NRTN: variants seen among roughly 807,000 people sequenced by gnomAD.
The protein encoded by NRTN is prepro-neurturin.
In NRTN, 3 loss-of-function variants were observed where a neutral mutation model predicts 7.5. That is an observed-to-expected ratio of 0.40 (90% CI 0.18 to 1.03). The LOEUF (loss-of-function observed/expected upper bound fraction) is 1.03. NRTN is among the 50% of genes least tolerant of loss of function. The probability of loss-of-function intolerance (pLI) is 0.34; values close to 1 mark genes in which losing one functional copy is unlikely to be tolerated. For synonymous variants in NRTN, 157 were observed against 146.6 expected (o/e 1.07, Z -0.51); for missense variants, 310 against 307.0 (o/e 1.01, Z -0.07).
chr19:5,828,219 C>T lies in NRTN; in HGVS notation c.*46C>T. The T allele has an allele frequency of 1.3e-6, 2 of 1,524,188 alleles. No individual in the cohort carries two copies. The highest frequency in any genetic ancestry group is 1.4e-5 in the African/African-American group (1 of 72,352). The allele number at this position is 1,524,188 out of a possible 1,614,324, so 94.4% of individuals were successfully genotyped here. The stretch of plus-strand genomic sequence containing the variant: ...GCGGCGGCCACTCCCCCCGCCTCGA[C>T]GGCACCACTGGCCGGCCCCGCGAAA... On this transcript the variant is annotated 3_prime_UTR_variant, in exon 3 of 3. Coordinates refer to ENST00000303212, the MANE Select transcript of NRTN (RefSeq NM_004558.5).
intron 1 of NRTN, among the ~76,000 whole-genome samples, chr19:5,816,432 G>A (rs1368900162): frequency 6.6e-6 from 1 of 152,124 alleles, no homozygotes; most frequent in East Asian, 1.9e-4. Context: ...AGGCTGGAAT[G>A]CAGTGGTGCA....
intron 1 of NRTN, among the ~76,000 whole-genome samples, 189 bp from the exon 2 acceptor site, chr19:5,823,579 C>T (rs1421903336): frequency 6.6e-6 from 1 of 152,178 alleles, no homozygotes; most frequent in Non-Finnish European, 1.5e-5. Context: ...CCTGCTTATC[C>T]ATCTGGATGG....
chr19:5,822,504 G>A (rs150442770), intron 1 of NRTN, among the ~76,000 whole-genome samples: 202 of 152,336 alleles, frequency 1.3e-3, no homozygotes, highest in African/African-American at 4.7e-3. Flanking sequence ...GCGTGTACAC[G>A]TGAGTTATTA....
At chr19:5,808,343 C>T (rs55745818) in intron 1 of NRTN, among the ~76,000 whole-genome samples, 1,793 of 152,300 alleles carry the variant, frequency 0.012, 37 homozygotes, top group African/African-American at 0.041. Flanking sequence ...ACCCCGGGGA[C>T]CCCCCTCCTG....
rs185848483 is a variant in NRTN, at chr19:5,818,874, C to G, written c.-398-4894C>G. Among the ~76,000 whole-genome samples, 52 of 152,118 alleles carry G rather than the reference C, an allele frequency of 3.4e-4. 2 individuals are homozygous for G. Among genetic ancestry groups the G allele is most frequent in the Admixed American group, 2.9e-3 (44 of 15,272 alleles). On this transcript the variant is annotated intron_variant, in intron 1 of 2. Coordinates refer to ENST00000303212, the MANE Select transcript of NRTN (RefSeq NM_004558.5). The stretch of plus-strand genomic sequence containing the variant: ...TAATCAGCCCTGCCTGCTGGGCCCC[C>G]TCCGCCAATGGCCCCCCGATTTCCT...
chr19:5,808,602 CCCT>C (rs2056980653), intron 1 of NRTN, among the ~76,000 whole-genome samples: 1 of 152,150 alleles, frequency 6.6e-6, no homozygotes, highest in Admixed American at 6.5e-5. Flanking sequence ...GGCCACAGGG[CCCT>C]CGTTACTTCC....
chr19:5,806,169 G>A lies in NRTN; in HGVS notation c.-399+718G>A, dbSNP rs897340804. Among the ~76,000 whole-genome samples, 5 of 152,148 alleles carry A rather than the reference G, an allele frequency of 3.3e-5. No homozygotes were observed. The highest frequency in any genetic ancestry group is 1.2e-4 in the African/African-American group (5 of 41,434). On this transcript the variant is annotated intron_variant, in intron 1 of 2. Transcript: ENST00000303212. This position sits in a 1 kb window ranked among gnomAD's most constrained non-coding sequence, Gnocchi z 5.4. ...GGATAGCCCCGAATTGTCCCAGGAG[G>A]TGGTTTGTGGATTAGGAGTTATTAG...
At chr19:5,818,736 C>CCCT (rs1299807756) in intron 1 of NRTN, among the ~76,000 whole-genome samples, 5 of 151,994 alleles carry the variant, frequency 3.3e-5, no homozygotes, top group Admixed American at 2.6e-4. Flanking sequence ...ACACCCAGCC[C>CCCT]CCTCCCCGTG....
In NRTN at chr19:5,823,232, CAG is replaced by C. The variant is rs200696485; in HGVS notation, c.-398-535_-398-534del. ...AGGAGCTTGAGACCAGCATAGCTAA[CAG>C]GGAGAAACCCTGTCTCTATTAAAAA... On this transcript the variant is annotated intron_variant, in intron 1 of 2. Transcript: ENST00000303212. 2.4e-4 allele frequency among the ~76,000 whole-genome samples: 36 copies of C among 152,196 alleles called. No individual in the cohort carries two copies. In the East Asian group the frequency reaches 7.0e-3, roughly 29 times the overall value.
At chr19:5,805,995 G>A (rs1296228095) in intron 1 of NRTN, among the ~76,000 whole-genome samples, 2 of 152,142 alleles carry the variant, frequency 1.3e-5, no homozygotes, top group African/African-American at 4.8e-5. Flanking sequence ...GGGCCCTCTC[G>A]GCTCCTGGAG....
intron 1 of NRTN, among the ~76,000 whole-genome samples, chr19:5,814,253 C>T (rs75694600): frequency 0.053 from 8,133 of 152,182 alleles, 730 homozygotes; most frequent in African/African-American, 0.19. Flanking sequence ...ACAGACACCA[C>T]GCTTACAGGG....
chr19:5,828,276 C>A lies in NRTN; in HGVS notation c.*103C>A. On this transcript the variant is annotated 3_prime_UTR_variant, in exon 3 of 3. Transcript: ENST00000303212. ...GCGTGCGTAGAGCACGCCGGCGCGG[C>A]CCCGGGACTCTCGCGATAACTGTAC... The A allele has an allele frequency of 1.6e-6, 2 of 1,278,810 alleles. No individual in the cohort carries two copies. The highest frequency in any genetic ancestry group is 2.1e-6 in the Non-Finnish European group (2 of 952,824). 79.2% of individuals were successfully genotyped at this position (1,278,810 alleles called of 1,614,324 possible).
At chr19:5,827,597 G>T (rs768050277) in intron 2 of NRTN, 152 bp from the exon 3 acceptor site, 2 of 264,154 alleles carry the variant, frequency 7.6e-6, no homozygotes, top group Admixed American at 5.7e-5. Context: ...AAGAGGGTGG[G>T]GAAATTTGGG....
intron 1 of NRTN, among the ~76,000 whole-genome samples, chr19:5,817,495 GAA>G (rs1489449203): frequency 9.2e-6 from 1 of 108,850 alleles, no homozygotes; most frequent in Non-Finnish European, 1.8e-5. Flanking sequence ...AAGAGAGAGA[GAA>G]AGGAAGGAAG....
intron 1 of NRTN, among the ~76,000 whole-genome samples, chr19:5,818,321 AGT>A (rs1160352751): frequency 6.6e-6 from 1 of 151,864 alleles, no homozygotes; most frequent in African/African-American, 2.4e-5. Context: ...TGAGCATGTG[AGT>A]GTGATCGTGT....
rs2056976409 is a variant in NRTN at position 5,806,790 on chromosome 19, C to G, written c.-399+1339C>G. On this transcript the variant is annotated intron_variant, in intron 1 of 2. Coordinates refer to ENST00000303212, the MANE Select transcript of NRTN (RefSeq NM_004558.5). The surrounding 1 kb of genome is among the most constrained non-coding windows in gnomAD (Gnocchi z 5.4). ...GAAACTCCACCATCAGCACTGGCCCCTCGGCGTTTCAGGTCCCAGTTTTCA... is the reference window on the plus strand; with the variant it reads ...GAAACTCCACCATCAGCACTGGCCCGTCGGCGTTTCAGGTCCCAGTTTTCA... 6.6e-6 allele frequency among the ~76,000 whole-genome samples: 1 copy of G among 152,210 alleles called. No homozygotes were observed. The highest frequency in any genetic ancestry group is 1.5e-5 in the Non-Finnish European group (1 of 68,042).
intron 2 of NRTN, 85 bp from the exon 3 acceptor site, chr19:5,827,664 T>C (rs1273476737): frequency 3.5e-6 from 2 of 577,634 alleles, no homozygotes; most frequent in Non-Finnish European, 4.5e-6. Flanking sequence ...GGGTCTTCGT[T>C]TGCAGGGGTA....
At chr19:5,812,149 T>C (rs2436529) in intron 1 of NRTN, among the ~76,000 whole-genome samples, 151,083 of 151,834 alleles carry the variant, frequency 1, 75,171 homozygotes, top group East Asian at 1. Context: ...GGATTACAGG[T>C]GTGAGCCACC....
In NRTN at chr19:5,812,704, A is replaced by G. The variant is rs928317337; in HGVS notation, c.-399+7253A>G. On this transcript the variant is annotated intron_variant, in intron 1 of 2. Coordinates refer to ENST00000303212, the MANE Select transcript of NRTN (RefSeq NM_004558.5). ...AATTTGTTTTGTGTTTTGCAGAATC[A>G]CTGAGTCTTGCCTTGAGAGGCCCAG... Among the ~76,000 whole-genome samples, 2 of 152,166 alleles carry G rather than the reference A, an allele frequency of 1.3e-5. 1 individual carries two copies. The highest frequency in any genetic ancestry group is 2.9e-5 in the Non-Finnish European group (2 of 68,018).
Sources: allele counts gnomAD v4.1 joint callset (sites outside exome capture counted in the v4.1 genomes callset), GRCh38; gene constraint gnomAD v4.1.1; non-coding constraint Gnocchi (gnomAD v3.1); transcripts MANE v1.5; gene names NCBI Gene and HGNC (gene_info 2026-07-23, HGNC 2026-07-21).